FHIT: variants seen among roughly 807,000 people sequenced by gnomAD.
The protein encoded by FHIT is bis(5'-adenosyl)-triphosphatase.
In FHIT, 19 loss-of-function variants were observed where a neutral mutation model predicts 17.9. The ratio of observed to expected loss-of-function variants is 1.06; its 90% CI spans 0.74 to 1.56. The LOEUF (loss-of-function observed/expected upper bound fraction) is 1.56, where lower values mean the gene tolerates loss of function less well. Ranked by LOEUF, FHIT falls within the 40% of genes most tolerant of loss-of-function variation. The pLI is 0.00. For synonymous variants in FHIT, 81 were observed against 69.7 expected (o/e 1.16, Z -0.81); for missense variants, 248 against 189.2 (o/e 1.31, Z -1.82).
At chr3:61,197,189 C>G (rs960731530) in intron 2 of FHIT, among the ~76,000 whole-genome samples, 1 of 152,268 alleles carries the variant, frequency 6.6e-6, no homozygotes, top group African/African-American at 2.4e-5. Context: ...TGATGTTATG[C>G]ATTTGTTAAA....
intron 5 of FHIT, among the ~76,000 whole-genome samples, chr3:60,192,810 T>C (rs1270953295): frequency 6.6e-6 from 1 of 152,182 alleles, no homozygotes; most frequent in African/African-American, 2.4e-5. Flanking sequence ...GTGACTCATG[T>C]TTGGTTTTGA....
At chr3:61,214,000 CA>C (rs1316066535) in intron 1 of FHIT, among the ~76,000 whole-genome samples, 7 of 152,076 alleles carry the variant, frequency 4.6e-5, no homozygotes, top group Non-Finnish European at 1.0e-4. Flanking sequence ...GGGACCCATT[CA>C]AAGCAGTGTA....
intron 5 of FHIT, among the ~76,000 whole-genome samples, chr3:60,104,955 T>TA (rs1704345868): frequency 6.6e-6 from 1 of 152,146 alleles, no homozygotes; most frequent in South Asian, 2.1e-4. Context: ...AAGCTCTTAC[T>TA]GTCTTTAGTA....
At chr3:60,351,095 A>G (rs1699373778) in intron 5 of FHIT, among the ~76,000 whole-genome samples, 1 of 152,158 alleles carries the variant, frequency 6.6e-6, no homozygotes, top group Non-Finnish European at 1.5e-5. Context: ...AAAAAAAGCC[A>G]TTAACCCATG....
At chr3:61,169,414 C>A (rs763072754) in intron 2 of FHIT, among the ~76,000 whole-genome samples, 29 of 152,118 alleles carry the variant, frequency 1.9e-4, no homozygotes, top group Admixed American at 7.2e-4. Flanking sequence ...AAATCTTTAG[C>A]ATGTGTTCAT....
At chr3:60,167,386 A>G (rs1354874217) in intron 5 of FHIT, among the ~76,000 whole-genome samples, 1 of 152,216 alleles carries the variant, frequency 6.6e-6, no homozygotes, top group Non-Finnish European at 1.5e-5. Flanking sequence ...GCATGTATGT[A>G]AATATATCCA....
intron 4 of FHIT, among the ~76,000 whole-genome samples, chr3:60,569,756 T>TATA (rs1491532042): frequency 3.1e-4 from 9 of 28,656 alleles, no homozygotes; most frequent in Non-Finnish European, 4.7e-4. Flanking sequence ...TATATATATA[T>TATA]TTTTTTTTTT....
At chr3:60,048,884 A>G (rs1037912514) in intron 5 of FHIT, among the ~76,000 whole-genome samples, 1 of 152,190 alleles carries the variant, frequency 6.6e-6, no homozygotes, top group African/African-American at 2.4e-5. Flanking sequence ...CATGATTGTG[A>G]AACCATAATT....
intron 5 of FHIT, among the ~76,000 whole-genome samples, chr3:60,311,102 G>A (rs1346039610): frequency 6.6e-6 from 1 of 151,952 alleles, no homozygotes; most frequent in African/African-American, 2.4e-5. Flanking sequence ...ATCCCTTTTG[G>A]CATCTTCCCC....
chr3:60,374,654 T>A (rs1230387567), intron 5 of FHIT, among the ~76,000 whole-genome samples: 1 of 151,148 alleles, frequency 6.6e-6, no homozygotes. Context: ...GTAGAAGGAC[T>A]TCAAGCGTGG....
chr3:59,886,748 G>T (rs1046503997), intron 8 of FHIT, among the ~76,000 whole-genome samples: 11 of 152,300 alleles, frequency 7.2e-5, no homozygotes, highest in Middle Eastern at 3.4e-3. Context: ...TATTGGGGAT[G>T]AAATTTCAAC....
At chr3:60,499,259 C>A (rs1284786339) in intron 5 of FHIT, among the ~76,000 whole-genome samples, 3 of 152,152 alleles carry the variant, frequency 2.0e-5, no homozygotes, top group African/African-American at 7.2e-5. Flanking sequence ...GTTTTCCTTC[C>A]TTCCACCCTT....
chr3:60,046,869 T>A (rs186623161), intron 5 of FHIT, among the ~76,000 whole-genome samples: 4 of 152,176 alleles, frequency 2.6e-5, no homozygotes, highest in African/African-American at 9.7e-5. Context: ...TTATCTGACA[T>A]AGTAAACAGC....
intron 7 of FHIT, among the ~76,000 whole-genome samples, chr3:59,991,452 C>T (rs1401889453): frequency 6.6e-6 from 1 of 151,988 alleles, no homozygotes; most frequent in African/African-American, 2.4e-5. Flanking sequence ...CTTCTTTAGC[C>T]AGTGGGGTCT....
intron 8 of FHIT, among the ~76,000 whole-genome samples, chr3:59,781,660 A>G (rs942722534): frequency 3.9e-5 from 6 of 152,256 alleles, no homozygotes; most frequent in African/African-American, 1.2e-4. Context: ...CATCCTGCTA[A>G]TGCATTTTAG....
At chr3:59,814,136 G>T (rs1700512663) in intron 8 of FHIT, among the ~76,000 whole-genome samples, 1 of 152,072 alleles carries the variant, frequency 6.6e-6, no homozygotes, top group African/African-American at 2.4e-5. Flanking sequence ...AAACAAGGAG[G>T]ATTTGAGCAA....
At chr3:59,965,833 A>C (rs1575780669) in intron 7 of FHIT, among the ~76,000 whole-genome samples, 1 of 152,188 alleles carries the variant, frequency 6.6e-6, no homozygotes, top group African/African-American at 2.4e-5. Context: ...CAGCACAGAG[A>C]AAGTTGAACT....
rs3075168 is a variant in FHIT at position 59,898,442 on chromosome 3, TTGTG to T, written c.348+23900_348+23903del. Among the ~76,000 whole-genome samples the T allele has an allele frequency of 5.8e-3, 842 of 145,922 alleles. 3 individuals are homozygous for T. The highest frequency in any genetic ancestry group is 0.011 in the Middle Eastern group (3 of 284). On this transcript the variant is annotated intron_variant, in intron 8 of 9. Coordinates refer to ENST00000492590, the MANE Select transcript of FHIT (RefSeq NM_002012.4). ...TGTATATATGTGTGCGTGTGTATGT[TTGTG>T]TGTGTGTGTGTGTGTGTGTGTGTGT...
chr3:60,587,730 C>T (rs2037952251), intron 4 of FHIT, among the ~76,000 whole-genome samples: 1 of 151,972 alleles, frequency 6.6e-6, no homozygotes, highest in African/African-American at 2.4e-5. Flanking sequence ...TAATTAACCA[C>T]TATTTATTGA....
Sources: allele counts gnomAD v4.1 joint callset (sites outside exome capture counted in the v4.1 genomes callset), GRCh38; gene constraint gnomAD v4.1.1; transcripts MANE v1.5; gene names NCBI Gene and HGNC (gene_info 2026-07-23, HGNC 2026-07-21).